The following ACTN1 variants were observed in gnomAD, a reference collection of about 807,000 sequenced individuals.
ACTN1 encodes alpha-actinin-1.
Under a neutral mutation model 119.6 loss-of-function variants are expected in ACTN1, and 30 were observed. That is an observed-to-expected ratio of 0.25 (90% CI 0.19 to 0.34). The LOEUF is 0.34. ACTN1 is among the 10% of genes least tolerant of loss of function. The probability of loss-of-function intolerance (pLI) is 1.00; values close to 1 mark genes in which losing one functional copy is unlikely to be tolerated. For missense variants in ACTN1, 764 were observed against 1,223.4 expected (o/e 0.62, Z 5.60); for synonymous variants, 429 against 472.6 (o/e 0.91, Z 1.20).
At chr14:68,978,301 C>A in intron 1 of ACTN1, 1 of 442,926 alleles carries the variant, frequency 2.3e-6, no homozygotes, top group South Asian at 1.6e-5. Context: ...AGCAATAAAA[C>A]GGTCTGCTGT....
intron 1 of ACTN1, among the ~76,000 whole-genome samples, chr14:68,948,193 A>T (rs1215136044): frequency 6.7e-6 from 1 of 149,766 alleles, no homozygotes; most frequent in Non-Finnish European, 1.5e-5. Context: ...CAGAGGCACA[A>T]CGGTGACAAA....
At chr14:68,938,884 C>T (rs193245465) in intron 1 of ACTN1, among the ~76,000 whole-genome samples, 1 of 152,046 alleles carries the variant, frequency 6.6e-6, no homozygotes, top group Admixed American at 6.5e-5. Flanking sequence ...CTGAGACGGG[C>T]CTCTGGCCAA....
Position 68,892,116 on chromosome 14 carries a change from C to A in ACTN1, c.1023G>T (p.Leu341=). ...KCQLEINFNT[L]QTKLRLSNRP... Reference sequence around the variant, plus strand: ...GGTTGCTGAGCCGCAGCTTGGTCTGCAGCGTGTTGAAGTTGATCTCCAGCT... The same window carrying A: ...GGTTGCTGAGCCGCAGCTTGGTCTGAAGCGTGTTGAAGTTGATCTCCAGCT... Residue 341 remains leucine (L), a synonymous_variant, in exon 10 of 22, where the codon CTG becomes CTT. Transcript: ENST00000394419. 6.2e-7 allele frequency: 1 copy of A among 1,614,034 alleles called. No homozygotes were observed.
chr14:68,960,305 T>C (rs1465875988), intron 1 of ACTN1, among the ~76,000 whole-genome samples: 2 of 152,168 alleles, frequency 1.3e-5, no homozygotes, highest in African/African-American at 2.4e-5. Flanking sequence ...TTGTATATTG[T>C]TTATTTGAAA....
At chr14:68,916,184 G>C (rs2034283864) in intron 3 of ACTN1, among the ~76,000 whole-genome samples, 2 of 152,156 alleles carry the variant, frequency 1.3e-5, no homozygotes, top group African/African-American at 4.8e-5. Flanking sequence ...GCTCTGAGTG[G>C]TAATCCCATG....
At chr14:68,973,460 TGAA>T (rs1340091325) in intron 1 of ACTN1, among the ~76,000 whole-genome samples, 9 of 152,230 alleles carry the variant, frequency 5.9e-5, no homozygotes, top group East Asian at 1.9e-4. Flanking sequence ...TGCAGCCATG[TGAA>T]GAAGGACATG....
intron 1 of ACTN1, among the ~76,000 whole-genome samples, chr14:68,947,715 G>A (rs1385424339): frequency 3.9e-5 from 6 of 152,210 alleles, no homozygotes; most frequent in Admixed American, 1.3e-4. Flanking sequence ...CCTACTGCAT[G>A]GAAAGAGAAG....
In ACTN1 at chr14:68,978,736, G is replaced by C. The variant is rs538608790; in HGVS notation, c.105+216C>G. 1.9e-4 allele frequency: 71 copies of C among 368,658 alleles called. 1 individual carries two copies. The highest frequency in any genetic ancestry group is 1.3e-3 in the South Asian group (19 of 14,664). 22.8% of individuals were successfully genotyped at this position (368,658 alleles called of 1,614,324 possible). A position where few individuals can be genotyped will look rare whatever the true frequency, so the allele number is the denominator to read the frequency against. On this transcript the variant is annotated intron_variant, in intron 1 of 21. Transcript: ENST00000394419. The stretch of plus-strand genomic sequence containing the variant: ...CAGCGGCGCCACCTCCCCGCGCTCC[G>C]GCCCGGCGTTCCCGGGCTCCGGGGC...
intron 1 of ACTN1, among the ~76,000 whole-genome samples, chr14:68,958,329 G>A (rs2036419781): frequency 1.3e-5 from 2 of 152,218 alleles, no homozygotes; most frequent in South Asian, 4.2e-4. Flanking sequence ...CTACTAGCAG[G>A]GGACTGTCCG....
intron 6 of ACTN1, among the ~76,000 whole-genome samples, chr14:68,907,436 C>T (rs902685287): frequency 3.0e-4 from 41 of 136,644 alleles, no homozygotes; most frequent in East Asian, 2.3e-3. Context: ...TGCTGGCGTG[C>T]GCCTGTAATC....
At chr14:68,938,517 G>A (rs1014582589) in intron 1 of ACTN1, among the ~76,000 whole-genome samples, 3 of 152,020 alleles carry the variant, frequency 2.0e-5, no homozygotes, top group Non-Finnish European at 4.4e-5. Context: ...AATGAAAGAC[G>A]ACCAAATTAG....
At chr14:68,895,333 A>G (rs916316383) in intron 8 of ACTN1, among the ~76,000 whole-genome samples, 1 of 152,178 alleles carries the variant, frequency 6.6e-6, no homozygotes, top group Non-Finnish European at 1.5e-5. Context: ...ACTGATCGCC[A>G]TCTCTCTCGA....
At chr14:68,962,844 G>A (rs940358612) in intron 1 of ACTN1, among the ~76,000 whole-genome samples, 7 of 151,766 alleles carry the variant, frequency 4.6e-5, no homozygotes, top group African/African-American at 1.7e-4. Context: ...GGATTATATT[G>A]GTCTATAATC....
intron 4 of ACTN1, 110 bp from the exon 5 acceptor site, chr14:68,910,152 C>G (rs1253756160): frequency 2.6e-6 from 2 of 767,984 alleles, no homozygotes; most frequent in African/African-American, 3.5e-5. Context: ...CCTGCAGCTA[C>G]TGAAGGAGGA....
intron 1 of ACTN1, 32 bp downstream of exon 1, chr14:68,978,919 TG>T (rs750017662): frequency 2.8e-6 from 4 of 1,441,454 alleles, no homozygotes; most frequent in Non-Finnish European, 9.4e-7. Context: ...GGCTGGGGGC[TG>T]GGGGCTGCAG....
intron 2 of ACTN1, among the ~76,000 whole-genome samples, chr14:68,924,417 GC>G (rs2034813400): frequency 6.6e-6 from 1 of 152,208 alleles, no homozygotes; most frequent in African/African-American, 2.4e-5. Context: ...CGTTCCCCCT[GC>G]CCCCACCCCA....
chr14:68,933,322 G>A (rs941016488), intron 1 of ACTN1, among the ~76,000 whole-genome samples: 1 of 151,974 alleles, frequency 6.6e-6, no homozygotes, highest in Non-Finnish European at 1.5e-5. Flanking sequence ...TTTTAGTAGA[G>A]ACGGGGTTTC....
At chr14:68,962,082 A>G (rs1484597017) in intron 1 of ACTN1, among the ~76,000 whole-genome samples, 1 of 152,188 alleles carries the variant, frequency 6.6e-6, no homozygotes, top group Non-Finnish European at 1.5e-5. Context: ...CACCCTCTGC[A>G]ACACAGCCAA....
intron 6 of ACTN1, among the ~76,000 whole-genome samples, chr14:68,906,922 G>A (rs1045570648): frequency 6.6e-6 from 1 of 151,588 alleles, no homozygotes; most frequent in African/African-American, 2.4e-5. Context: ...CCAGAAGTTC[G>A]AGACCAGCCT....
Sources: gnomAD v4.1 joint callset for allele counts (sites outside exome capture counted in the v4.1 genomes callset) on GRCh38, gnomAD v4.1.1 for gene constraint, MANE v1.5 for transcripts, NCBI Gene and HGNC (gene_info 2026-07-23, HGNC 2026-07-21) for gene names.